Variants in DIAPH2 observed in about 807,000 individuals in gnomAD.
DIAPH2 encodes diaphanous related formin 2, also known as protein diaphanous homolog 2.
DIAPH2 carries 35 observed loss-of-function variants against 92.7 expected under a neutral mutation model. The observed-to-expected ratio is 0.38, with a 90% CI of 0.29 to 0.50. The LOEUF (loss-of-function observed/expected upper bound fraction) is 0.50, where lower values mean the gene tolerates loss of function less well. Among genes scored for constraint, DIAPH2 ranks in the 20% least tolerant of loss-of-function variants. DIAPH2 has a pLI of 0.94. For missense variants in DIAPH2, 701 were observed against 819.5 expected (o/e 0.86, Z 1.77); for synonymous variants, 301 against 280.4 (o/e 1.07, Z -0.73).
intron 9 of DIAPH2, among the ~76,000 whole-genome samples, chrX:96,929,494 A>G (rs5921901): frequency 0.48 from 52,692 of 109,428 alleles, 9,610 homozygotes; most frequent in South Asian, 0.57. Flanking sequence ...TTGATTTTTG[A>G]ACATAGATGT....
intron 22 of DIAPH2, among the ~76,000 whole-genome samples, chrX:97,238,564 T>C (rs957489232): frequency 4.7e-5 from 5 of 105,796 alleles, no homozygotes; most frequent in African/African-American, 1.8e-4. Context: ...GGTGACTTTT[T>C]AACAGGTTTT....
intron 19 of DIAPH2, among the ~76,000 whole-genome samples, chrX:97,080,586 A>G (rs991820034): frequency 9.2e-6 from 1 of 109,015 alleles, no homozygotes; most frequent in Admixed American, 1.0e-4. Flanking sequence ...CTACACGATT[A>G]TGTTTTCTCA....
Position 96,698,407 on chromosome X carries a change from A to G in DIAPH2, c.132+13217A>G, listed in dbSNP as rs760740620. On this transcript the variant is annotated intron_variant, in intron 1 of 26. Coordinates refer to ENST00000324765, the MANE Select transcript of DIAPH2 (RefSeq NM_006729.5). ...TGCTTCCTGCGTGTGCTTTGCCTAA[A>G]GATTGGCTGCTATAAAAGTGTGGTA... is the stretch of plus-strand genomic sequence containing the variant. 3.6e-5 allele frequency among the ~76,000 whole-genome samples: 4 copies of G among 112,002 alleles called. No homozygotes were observed. The South Asian group carries it at 1.5e-3, about 42-fold the overall frequency.
chrX:97,461,368 T>C (rs1254196737), intron 26 of DIAPH2, among the ~76,000 whole-genome samples: 1 of 111,683 alleles, frequency 9.0e-6, no homozygotes, highest in African/African-American at 3.3e-5. Context: ...AAATAAACAG[T>C]TCACTTGTAG....
chrX:97,036,480 A>G (rs1243698641), intron 17 of DIAPH2, among the ~76,000 whole-genome samples: 1 of 112,253 alleles, frequency 8.9e-6, no homozygotes, highest in African/African-American at 3.2e-5. Context: ...TCATTGGGTT[A>G]TGTGCCATCT....
intron 4 of DIAPH2, among the ~76,000 whole-genome samples, chrX:96,769,635 A>G (rs890967165): frequency 2.7e-5 from 3 of 111,783 alleles, no homozygotes. Flanking sequence ...ATCATTTACC[A>G]GATAAACAAT....
At chrX:97,176,504 TGTTTG>T (rs1476789981) in intron 22 of DIAPH2, among the ~76,000 whole-genome samples, 6 of 79,579 alleles carry the variant, frequency 7.5e-5, no homozygotes, top group Non-Finnish European at 1.3e-4. Context: ...GGTGTTTTTT[TGTTTG>T]TTTTGTTTTG....
intron 17 of DIAPH2, among the ~76,000 whole-genome samples, chrX:97,042,118 A>G (rs1389024703): frequency 1.8e-5 from 2 of 111,602 alleles, no homozygotes; most frequent in Non-Finnish European, 3.8e-5. Flanking sequence ...TGTTAGTATG[A>G]TTAAATTGAT....
In DIAPH2 at chrX:97,601,252, T is replaced by C. The variant is rs781021521; in HGVS notation, c.*1935T>C. On this transcript the variant is annotated 3_prime_UTR_variant, in exon 27 of 27. Coordinates refer to ENST00000324765, the MANE Select transcript of DIAPH2 (RefSeq NM_006729.5). Reference sequence around the variant, plus strand: ...GAGAATGATCTTGAAATGTTAACCCTGACTAAAATTTGGGAGCATATGCCT... The same window carrying C: ...GAGAATGATCTTGAAATGTTAACCCCGACTAAAATTTGGGAGCATATGCCT... The C allele has an allele frequency of 8.9e-6, 1 of 112,075 alleles. No individual in the cohort carries two copies. Among genetic ancestry groups the C allele is most frequent in the East Asian group, 2.8e-4 (1 of 3,585 alleles). 9.2% of individuals were successfully genotyped at this position (112,075 alleles called of 1,213,427 possible).
intron 4 of DIAPH2, among the ~76,000 whole-genome samples, chrX:96,830,531 A>C (rs1223500054): frequency 1.1e-5 from 1 of 91,119 alleles, no homozygotes; most frequent in Admixed American, 1.5e-4. Context: ...AGATCACGCC[A>C]CTGCACTCTA....
At position 96,957,709 on chromosome X, in the gene DIAPH2, A is replaced by G. The variant is rs897502523; in HGVS notation, c.1615-119A>G. 7.1e-6 allele frequency: 4 copies of G among 561,217 alleles called. No homozygotes were observed. The Admixed American group carries it at 1.6e-4, about 23-fold the overall frequency. The allele number at this position is 561,217 out of a possible 1,213,427, so 46.3% of individuals were successfully genotyped here. On this transcript the variant is annotated intron_variant, in intron 15 of 26. Coordinates refer to ENST00000324765, the MANE Select transcript of DIAPH2 (RefSeq NM_006729.5). The stretch of plus-strand genomic sequence containing the variant: ...TTAGATATTTTAGTAATATCTAAAA[A>G]AGTATATATGATCTTAAAACATAAG...
chrX:97,441,001 C>T (rs747400758), intron 26 of DIAPH2, among the ~76,000 whole-genome samples: 28 of 111,580 alleles, frequency 2.5e-4, no homozygotes, highest in Non-Finnish European at 4.9e-4. Context: ...AAACATGTAC[C>T]TGAGAGGATG....
At position 96,771,823 on chromosome X, in the gene DIAPH2, G is replaced by A. The variant is rs765059413; in HGVS notation, c.447+13565G>A. On this transcript the variant is annotated intron_variant, in intron 4 of 26. Transcript: ENST00000324765. ...AGGGTGAGATGGGAGGATCACTTGA[G>A]CCCAGGAGTTCAAGATCAGCCTGGG... Among the ~76,000 whole-genome samples, 296 of 110,936 alleles carry A rather than the reference G, an allele frequency of 2.7e-3. 2 individuals carry two copies. Among genetic ancestry groups the A allele is most frequent in the Non-Finnish European group, 4.0e-3 (213 of 52,958 alleles).
Position 96,755,874 on chromosome X carries a change from T to C in DIAPH2, c.343-2280T>C, listed in dbSNP as rs892437301. Among the ~76,000 whole-genome samples the C allele has an allele frequency of 1.6e-4, 17 of 108,818 alleles. No homozygotes were observed. The East Asian group carries it at 4.6e-3, about 29-fold the overall frequency. The allele number at this position is 108,818 out of a possible 115,157, so 94.5% of individuals were successfully genotyped here. ...GCTTTTTCTTTCTTTCTTCCTTTTT[T>C]TTTTTTGGAGACAGGGTCTTGCTCA... On this transcript the variant is annotated intron_variant, in intron 3 of 26. Coordinates refer to ENST00000324765, the MANE Select transcript of DIAPH2 (RefSeq NM_006729.5).
At chrX:96,969,578 T>C (rs2065915075) in intron 17 of DIAPH2, among the ~76,000 whole-genome samples, 1 of 110,964 alleles carries the variant, frequency 9.0e-6, no homozygotes, top group South Asian at 3.8e-4. Flanking sequence ...CTTTTGTAAG[T>C]TGAGTTTGTA....
At chrX:97,221,511 A>G (rs765465416) in intron 22 of DIAPH2, among the ~76,000 whole-genome samples, 21 of 112,131 alleles carry the variant, frequency 1.9e-4, no homozygotes, top group Non-Finnish European at 3.2e-4. Context: ...ATAAGATTAT[A>G]TATAATTTTC....
chrX:97,259,713 G>T (rs1466883938), intron 23 of DIAPH2, among the ~76,000 whole-genome samples: 1 of 112,630 alleles, frequency 8.9e-6, no homozygotes, highest in Non-Finnish European at 1.9e-5. Context: ...TTCTGTGGTT[G>T]AATTTGTAAT....
chrX:97,211,423 A>G lies in DIAPH2; in HGVS notation c.2720-36292A>G, dbSNP rs147990960. Among the ~76,000 whole-genome samples the G allele has an allele frequency of 9.7e-3, 1,087 of 111,555 alleles. 11 individuals are homozygous for G. The highest frequency in any genetic ancestry group is 0.034 in the African/African-American group (1,039 of 30,730). Reference sequence around the variant, plus strand: ...TGGTGTCCATTGTAGAATCAGGAGCATAGTCATAGATTGGTATAGGCGGGA... The same window carrying G: ...TGGTGTCCATTGTAGAATCAGGAGCGTAGTCATAGATTGGTATAGGCGGGA... On this transcript the variant is annotated intron_variant, in intron 22 of 26. Transcript: ENST00000324765.
At chrX:97,013,431 T>C (rs1268319445) in intron 17 of DIAPH2, among the ~76,000 whole-genome samples, 1 of 111,693 alleles carries the variant, frequency 9.0e-6, no homozygotes, top group African/African-American at 3.3e-5. Context: ...GAGGGAGAGT[T>C]ATTTCTCCAG....
Sources: gnomAD v4.1 joint callset for allele counts (sites outside exome capture counted in the v4.1 genomes callset) on GRCh38, gnomAD v4.1.1 for gene constraint, MANE v1.5 for transcripts, NCBI Gene and HGNC (gene_info 2026-07-23, HGNC 2026-07-21) for gene names.